Variants in ZFP90 observed in about 807,000 individuals in gnomAD.
The protein encoded by ZFP90 is zinc finger protein 90 homolog.
In ZFP90, 38 loss-of-function variants were observed where a neutral mutation model predicts 60.8. The ratio of observed to expected loss-of-function variants is 0.62; its 90% confidence interval spans 0.48 to 0.82. The LOEUF (loss-of-function observed/expected upper bound fraction) is 0.82, where lower values mean the gene tolerates loss of function less well. Among genes scored for constraint, ZFP90 ranks in the 40% least tolerant of loss-of-function variants. ZFP90 has a pLI of 0.00. For missense variants in ZFP90, 711 were observed against 759.1 expected, an observed-to-expected ratio of 0.94 and a Z score of 0.74; for synonymous variants, 287 against 264.8, an observed-to-expected ratio of 1.08 and a Z score of -0.82.
intron 2 of ZFP90, among the ~76,000 whole-genome samples, chr16:68,551,464 C>T (rs1345227042): frequency 7.0e-6 from 1 of 142,590 alleles, no homozygotes; most frequent in Non-Finnish European, 1.5e-5. Flanking sequence ...CTCTGTTGCC[C>T]AGGCTGGAGT....
chr16:68,541,483 G>T (rs1426633342), intron 2 of ZFP90, among the ~76,000 whole-genome samples: 3 of 151,778 alleles, frequency 2.0e-5, no homozygotes, highest in Non-Finnish European at 4.4e-5. Context: ...ACCATGCCCA[G>T]CTAATTTTTG....
intron 2 of ZFP90, among the ~76,000 whole-genome samples, chr16:68,555,647 A>G (rs1253336681): frequency 6.6e-6 from 1 of 152,184 alleles, no homozygotes; most frequent in Non-Finnish European, 1.5e-5. Flanking sequence ...CTAGGAAAAC[A>G]AGCATTAAAT....
chr16:68,540,298 C>G (rs1490113274), intron 2 of ZFP90, among the ~76,000 whole-genome samples: 1 of 152,104 alleles, frequency 6.6e-6, no homozygotes, highest in Non-Finnish European at 1.5e-5. Flanking sequence ...TGGAGATGGG[C>G]TTTCTTGGGC....
chr16:68,563,809 A>T lies in ZFP90; in HGVS notation c.1022A>T (p.Asn341Ile). 6.2e-7 allele frequency: 1 copy of T among 1,613,918 alleles called. No individual in the cohort carries two copies. Among genetic ancestry groups the T allele is most frequent in the Non-Finnish European group, 8.5e-7 (1 of 1,179,946 alleles). Residue 341 changes from asparagine (N) to isoleucine (I), a missense_variant, in exon 5 of 5, where the codon AAT becomes ATT. This residue lies in a region of ZFP90 where 146 missense variants were observed against 201.4 expected (regional missense o/e 0.73). Transcript: ENST00000563169. ...ACTGGAGAGAAACCCTATCGATGTA[A>T]TCTATGTGGGAGGTCCTTTAGGCAT... ...IHTGEKPYRCNLCGRSFRHGT... is the reference protein window; with the variant it reads ...IHTGEKPYRCILCGRSFRHGT...
At chr16:68,559,039 C>T (rs959627461) in intron 4 of ZFP90, among the ~76,000 whole-genome samples, 23 of 152,140 alleles carry the variant, frequency 1.5e-4, no homozygotes, top group Admixed American at 1.3e-3. Context: ...GCTGCTTTGA[C>T]TCATTACCTC....
At chr16:68,568,146 A>G (rs1406696998), downstream of ZFP90, among the ~76,000 whole-genome samples, 6 of 152,202 alleles carry the variant, frequency 3.9e-5, no homozygotes, top group Non-Finnish European at 8.8e-5. Context: ...TTCCTACACT[A>G]GATGGTGAGT....
chr16:68,570,262 C>A (rs890849865), downstream of ZFP90, among the ~76,000 whole-genome samples: 4 of 152,112 alleles, frequency 2.6e-5, no homozygotes, highest in Non-Finnish European at 5.9e-5. Flanking sequence ...ATCCAGTGGT[C>A]TTTTTCAGTC....
chr16:68,565,446 G>A lies in ZFP90; in HGVS notation c.*748G>A. The A allele has an allele frequency of 1.0e-6, 1 of 985,580 alleles. No individual in the cohort carries two copies. Among genetic ancestry groups the A allele is most frequent in the Non-Finnish European group, 1.2e-6 (1 of 829,932 alleles). 61.1% of individuals were successfully genotyped at this position (985,580 alleles called of 1,614,324 possible). A position where few individuals can be genotyped will look rare whatever the true frequency, so the allele number is the denominator to read the frequency against. ...AAGTATAAGTGGGAGCAAAATGTAT[G>A]CAAATTTATCACAAACTATTTAAAG... On this transcript the variant is annotated 3_prime_UTR_variant, in exon 5 of 5. Coordinates refer to ENST00000563169, the MANE Select transcript of ZFP90 (RefSeq NM_001305203.2).
chr16:68,551,599 T>A (rs1388034219), intron 2 of ZFP90, among the ~76,000 whole-genome samples: 1 of 151,820 alleles, frequency 6.6e-6, no homozygotes, highest in East Asian at 1.9e-4. Context: ...ATTGTATTTT[T>A]AGTAGAGACA....
chr16:68,541,184 A>G (rs1375018045), intron 2 of ZFP90, among the ~76,000 whole-genome samples: 1 of 151,984 alleles, frequency 6.6e-6, no homozygotes, highest in Non-Finnish European at 1.5e-5. Flanking sequence ...TAACAGGTGT[A>G]CACCACCACA....
intron 2 of ZFP90, among the ~76,000 whole-genome samples, chr16:68,551,337 T>C (rs1275009034): frequency 6.6e-6 from 1 of 152,136 alleles, no homozygotes; most frequent in Admixed American, 6.5e-5. Context: ...GTATATGCTG[T>C]TCCTAGTTCC....
intron 2 of ZFP90, 87 bp downstream of exon 2, chr16:68,539,912 T>G: frequency 6.6e-7 from 1 of 1,512,478 alleles, no homozygotes; most frequent in Non-Finnish European, 8.9e-7. Flanking sequence ...CATTGTTCTC[T>G]GCCTGGCGAC....
chr16:68,567,935 A>C (rs1402290008), downstream of ZFP90, among the ~76,000 whole-genome samples: 1 of 152,154 alleles, frequency 6.6e-6, no homozygotes, highest in Admixed American at 6.5e-5. Context: ...CAGTATTCTG[A>C]CTTCAAGATT....
chr16:68,563,092 T>C lies in ZFP90; in HGVS notation c.305T>C (p.Val102Ala). ...EVKSSHLQQD[V>A]SEVSHCTHDL... ...AAATCATCACATTTGCAGCAGGATG[T>C]ATCAGAAGTATCCCACTGCACACAT... is the stretch of plus-strand genomic sequence containing the variant. Residue 102 changes from valine to alanine, a missense_variant, in exon 5 of 5, where the codon GTA becomes GCA. Around this residue, in one of 5 missense-constraint regions of ZFP90, gnomAD observed 241 missense variants for 247.6 expected, o/e 0.97. Coordinates refer to ENST00000563169, the MANE Select transcript of ZFP90 (RefSeq NM_001305203.2). The C allele has an allele frequency of 6.2e-7, 1 of 1,614,156 alleles. No homozygotes were observed. Among genetic ancestry groups the C allele is most frequent in the South Asian group, 1.1e-5 (1 of 91,080 alleles).
At chr16:68,538,480 T>G (rs1306023160), upstream of ZFP90, among the ~76,000 whole-genome samples, 1 of 152,032 alleles carries the variant, frequency 6.6e-6, no homozygotes, top group Non-Finnish European at 1.5e-5. Flanking sequence ...CCCAGCACTT[T>G]GGGAGGCCGA....
intron 2 of ZFP90, among the ~76,000 whole-genome samples, chr16:68,542,735 A>G (rs1391331710): frequency 1.3e-5 from 2 of 152,214 alleles, no homozygotes; most frequent in African/African-American, 4.8e-5. Flanking sequence ...GGCAGTGGGT[A>G]GAGGAGAATA....
At chr16:68,558,291 A>G (rs887783409) in intron 3 of ZFP90, 167 bp downstream of exon 3, 5 of 1,203,922 alleles carry the variant, frequency 4.2e-6, no homozygotes, top group Non-Finnish European at 6.0e-6. Flanking sequence ...CCTGCTCTTT[A>G]GGTAAAAGGT....
In ZFP90 at chr16:68,564,931, T is replaced by A. The variant is rs1427163957; in HGVS notation, c.*233T>A. The A allele has an allele frequency of 1.5e-5, 19 of 1,274,842 alleles. No individual in the cohort carries two copies. Among genetic ancestry groups the A allele is most frequent in the Non-Finnish European group, 1.7e-5 (17 of 1,012,372 alleles). The allele number at this position is 1,274,842 out of a possible 1,614,324, so 79.0% of individuals were successfully genotyped here. Reference sequence around the variant, plus strand: ...CATGTATGTAGCTGGTTGGGGATGATATGCCTGTATGTTGGACTTTGCTTT... The same window carrying A: ...CATGTATGTAGCTGGTTGGGGATGAAATGCCTGTATGTTGGACTTTGCTTT... On this transcript the variant is annotated 3_prime_UTR_variant, in exon 5 of 5. Coordinates refer to ENST00000563169, the MANE Select transcript of ZFP90 (RefSeq NM_001305203.2).
At position 68,564,094 on chromosome 16, in the gene ZFP90, C is replaced by T; in HGVS notation, c.1307C>T (p.Ser436Phe). Residue 436 changes from serine to phenylalanine, a missense_variant, in exon 5 of 5, where the codon TCT becomes TTT. This residue lies in a region of ZFP90 where 295 missense variants were observed against 274.0 expected (regional missense o/e 1.08). Coordinates refer to ENST00000563169, the MANE Select transcript of ZFP90 (RefSeq NM_001305203.2). The part of the protein sequence containing the change: ...NYSIDFKHST[S>F]LTQDESTLTE... Reference sequence around the variant, plus strand: ...AGCATAGATTTCAAGCACAGCACATCTCTCACTCAAGATGAAAGCACTCTT... The same window carrying T: ...AGCATAGATTTCAAGCACAGCACATTTCTCACTCAAGATGAAAGCACTCTT... The T allele has an allele frequency of 6.2e-7, 1 of 1,614,168 alleles. No homozygotes were observed. Among genetic ancestry groups the T allele is most frequent in the Non-Finnish European group, 8.5e-7 (1 of 1,180,020 alleles).
Sources: gnomAD v4.1 joint callset for allele counts (sites outside exome capture counted in the v4.1 genomes callset) on GRCh38, gnomAD v4.1.1 for gene constraint, gnomAD v4.1.1 regional missense constraint, MANE v1.5 for transcripts, NCBI Gene and HGNC (gene_info 2026-07-23, HGNC 2026-07-21) for gene names.